The following RHCE variants were observed in gnomAD, a reference collection of about 807,000 sequenced individuals.
RHCE encodes blood group Rh(CE) polypeptide.
RHCE carries 22 observed loss-of-function variants against 43.8 expected under a neutral mutation model. The observed-to-expected ratio is 0.50, with a 90% CI of 0.36 to 0.72. The LOEUF (loss-of-function observed/expected upper bound fraction) is 0.72, where lower values mean the gene tolerates loss of function less well. Ranked by LOEUF, RHCE falls within the 30% of genes least tolerant of loss-of-function variation. The probability of loss-of-function intolerance (pLI) is 0.00; values close to 1 mark genes in which losing one functional copy is unlikely to be tolerated. For missense variants in RHCE, 385 were observed against 525.4 expected, an observed-to-expected ratio of 0.73 and a Z score of 2.61; for synonymous variants, 156 against 210.7, an observed-to-expected ratio of 0.74 and a Z score of 2.25.
intron 1 of RHCE, among the ~76,000 whole-genome samples, chr1:25,412,319 AC>A (rs1354578996): frequency 1.3e-5 from 2 of 152,086 alleles, no homozygotes; most frequent in African/African-American, 2.4e-5. Context: ...TGGACTTGAT[AC>A]TCTCTAAGGC....
exon 1 of RHCE, chr1:25,430,072 G>C (rs1469192055): frequency 1.3e-5 from 2 of 151,894 alleles, no homozygotes; most frequent in African/African-American, 2.4e-5. Flanking sequence ...CCGGCCCGGA[G>C]GCCGATGCTT....
chr1:25,413,447 T>G (rs925455069), intron 1 of RHCE, among the ~76,000 whole-genome samples: 20 of 152,182 alleles, frequency 1.3e-4, no homozygotes, highest in African/African-American at 4.8e-4. Flanking sequence ...GCTGCTGGTT[T>G]GATAAGCTGA....
At chr1:25,385,626 A>G in intron 7 of RHCE, 85 bp downstream of exon 7, 1 of 1,600,552 alleles carries the variant, frequency 6.2e-7, no homozygotes, top group Non-Finnish European at 8.6e-7. Flanking sequence ...CCGAGTGCAC[A>G]CGCCCCAGCT....
At chr1:25,416,350 G>A (rs1219571461) in intron 1 of RHCE, among the ~76,000 whole-genome samples, 7 of 151,540 alleles carry the variant, frequency 4.6e-5, no homozygotes, top group African/African-American at 1.5e-4. Flanking sequence ...TGAAAGCTCC[G>A]CCTCCTGGGT....
rs57992529 is a variant in RHCE, at chr1:25,408,764, G to A, written c.254C>T (p.Ala85Val). The A allele has an allele frequency of 1.1e-5, 14 of 1,282,342 alleles. 2 individuals are homozygous for A. Among genetic ancestry groups the A allele is most frequent in the African/African-American group, 9.7e-5 (7 of 72,318 alleles). 79.4% of individuals were successfully genotyped at this position (1,282,342 alleles called of 1,614,324 possible). Residue 85 changes from alanine (A) to valine (V), a missense_variant, in exon 2 of 10, where the codon GCG (alanine) becomes GTG (valine). Around this residue, in one of 6 missense-constraint regions of RHCE, gnomAD observed 110 missense variants for 192.1 expected, o/e 0.57. Coordinates refer to ENST00000294413, the MANE Select transcript of RHCE (RefSeq NM_020485.8). ...SSVAFNLFML[A>V]LGVQWAILLD... ...CAGGATTGCCCACTGCACACCAAGC[G>A]CCAGCATGAAGAGGTTGAAGGCCAC... is the stretch of plus-strand genomic sequence containing the variant.
At chr1:25,367,946 G>T (rs1289564317) in intron 9 of RHCE, among the ~76,000 whole-genome samples, 2 of 150,552 alleles carry the variant, frequency 1.3e-5, no homozygotes, top group African/African-American at 5.0e-5. Context: ...CTGCATTACG[G>T]TGTGGGTGGC....
intron 1 of RHCE, 105 bp downstream of exon 1, chr1:25,420,534 G>C (rs181188411): frequency 1.2e-6 from 2 of 1,607,022 alleles, no homozygotes; most frequent in Admixed American, 1.7e-5. Flanking sequence ...TCTTTTCCTC[G>C]GGATTTTGTA....
intron 1 of RHCE, among the ~76,000 whole-genome samples, chr1:25,416,456 G>A (rs938720599): frequency 6.6e-6 from 1 of 151,952 alleles, no homozygotes; most frequent in East Asian, 1.9e-4. Flanking sequence ...GTAGAGATGG[G>A]GTTTCATCAT....
upstream of RHCE, among the ~76,000 whole-genome samples, chr1:25,422,649 G>A (rs541253224): frequency 5.3e-3 from 814 of 152,262 alleles, 6 homozygotes; most frequent in African/African-American, 0.018. Flanking sequence ...AGTAGAGCTG[G>A]GATTTAAACC....
intron 1 of RHCE, among the ~76,000 whole-genome samples, chr1:25,416,792 GTTTTT>G (rs576244724): frequency 1.0e-5 from 1 of 99,606 alleles, no homozygotes. Context: ...AAATTTTACA[GTTTTT>G]TTTTTTTTTT....
chr1:25,422,061 C>T (rs896356138), upstream of RHCE, among the ~76,000 whole-genome samples: 1 of 152,116 alleles, frequency 6.6e-6, no homozygotes, highest in Non-Finnish European at 1.5e-5. Context: ...TTTAATCACC[C>T]AGTCGAATCC....
intron 7 of RHCE, among the ~76,000 whole-genome samples, chr1:25,382,498 C>T (rs1037216653): frequency 2.0e-5 from 3 of 148,798 alleles, no homozygotes; most frequent in Non-Finnish European, 4.4e-5. Context: ...TAAACCCAAA[C>T]CTGCTGACTG....
At chr1:25,393,430 G>A (rs1646441422) in intron 3 of RHCE, among the ~76,000 whole-genome samples, 2 of 152,082 alleles carry the variant, frequency 1.3e-5, no homozygotes, top group African/African-American at 2.4e-5. Context: ...ATACCAGCCT[G>A]GCCAACATGG....
intron 6 of RHCE, 95 bp downstream of exon 6, chr1:25,388,881 C>G: frequency 1.3e-6 from 2 of 1,586,322 alleles, no homozygotes; most frequent in Admixed American, 3.4e-5. Context: ...CAACACCTGC[C>G]TAATGCAGCT....
intron 3 of RHCE, among the ~76,000 whole-genome samples, chr1:25,392,696 A>G (rs1249816004): frequency 6.0e-5 from 9 of 148,950 alleles, no homozygotes; most frequent in Admixed American, 4.1e-4. Flanking sequence ...TCAGCCTCCT[A>G]AGTAGCTGGG....
chr1:25,368,122 A>G (rs1033760560), intron 9 of RHCE, among the ~76,000 whole-genome samples: 1 of 149,952 alleles, frequency 6.7e-6, no homozygotes, highest in Non-Finnish European at 1.5e-5. Flanking sequence ...CCTTGTCTTG[A>G]TGGTGGTGAT....
intron 1 of RHCE, among the ~76,000 whole-genome samples, chr1:25,418,791 A>C (rs1285115712): frequency 3.3e-5 from 5 of 152,164 alleles, no homozygotes; most frequent in Admixed American, 3.3e-4. Flanking sequence ...GCCTCCCCTG[A>C]CACCATCGTC....
intron 7 of RHCE, among the ~76,000 whole-genome samples, chr1:25,377,485 C>A (rs1236235261): frequency 6.6e-6 from 1 of 151,940 alleles, no homozygotes; most frequent in Non-Finnish European, 1.5e-5. Context: ...TGTGAGCCAC[C>A]GAGCTGGCTG....
chr1:25,419,617 CT>C (rs1054336640), intron 1 of RHCE: 2 of 151,938 alleles, frequency 1.3e-5, no homozygotes, highest in African/African-American at 4.8e-5. Flanking sequence ...ATGCCTGAAA[CT>C]CATTTCAATA....
Sources: allele counts gnomAD v4.1 joint callset (sites outside exome capture counted in the v4.1 genomes callset), GRCh38; gene constraint gnomAD v4.1.1; regional missense constraint gnomAD v4.1.1; transcripts MANE v1.5; gene names NCBI Gene and HGNC (gene_info 2026-07-23, HGNC 2026-07-21).